Variants in JARID2 observed in about 807,000 individuals in gnomAD.
The protein encoded by JARID2 is protein Jumonji.
Under a neutral mutation model 125.6 loss-of-function variants are expected in JARID2, and 21 were observed. The ratio of observed to expected loss-of-function variants is 0.17; its 90% CI spans 0.12 to 0.24. The LOEUF is 0.24. Ranked by LOEUF, JARID2 falls within the 10% of genes least tolerant of loss-of-function variation. The pLI is 1.00. For synonymous variants in JARID2, 736 were observed against 661.6 expected, an observed-to-expected ratio of 1.11 and a Z score of -1.73; for missense variants, 1,303 against 1,639.6, an observed-to-expected ratio of 0.79 and a Z score of 3.55.
chr6:15,247,472 G>A (rs1406203665), intron 1 of JARID2: 6 of 983,370 alleles, frequency 6.1e-6, no homozygotes, highest in African/African-American at 3.5e-5. Context: ...GGGACCGAGG[G>A]ATTAACCAAA....
chr6:15,419,772 G>A (rs1351306391), intron 3 of JARID2, among the ~76,000 whole-genome samples: 1 of 152,166 alleles, frequency 6.6e-6, no homozygotes, highest in African/African-American at 2.4e-5. Context: ...CTTTGTAGGA[G>A]CAATCATTTA....
intron 1 of JARID2, among the ~76,000 whole-genome samples, chr6:15,251,934 C>T (rs1458526457): frequency 1.3e-5 from 2 of 151,600 alleles, no homozygotes; most frequent in Non-Finnish European, 3.0e-5. Context: ...GCCGCTTGAA[C>T]CTGGGAGGCG....
At chr6:15,251,422 G>GT (rs558701197) in intron 1 of JARID2, among the ~76,000 whole-genome samples, 65 of 152,342 alleles carry the variant, frequency 4.3e-4, no homozygotes, top group Admixed American at 3.9e-3. Flanking sequence ...TCATCCTGAT[G>GT]TTACTGGTCC....
chr6:15,502,176 A>AG (rs1180774195), intron 8 of JARID2, among the ~76,000 whole-genome samples: 1 of 152,198 alleles, frequency 6.6e-6, no homozygotes, highest in Admixed American at 6.5e-5. Context: ...ACTCATCCTG[A>AG]GGAGACTCGC....
chr6:15,421,547 G>A (rs1373818595), intron 3 of JARID2, among the ~76,000 whole-genome samples: 1 of 152,080 alleles, frequency 6.6e-6, no homozygotes, highest in Non-Finnish European at 1.5e-5. Flanking sequence ...ACTATTAGAA[G>A]TCCTTCTTTG....
intron 5 of JARID2, among the ~76,000 whole-genome samples, chr6:15,469,377 TCTCCCCCTCTCCCCCTTTCCCCC>T (rs1768948869): frequency 2.8e-4 from 6 of 21,486 alleles, no homozygotes; most frequent in Admixed American, 6.3e-4. Context: ...CTTCTCCCCC[TCTCCCCCTCTCCCCCTTTCCCCC>T]TCTCCCCCTC....
chr6:15,453,352 T>C (rs2299045), intron 4 of JARID2, among the ~76,000 whole-genome samples: 61,796 of 152,132 alleles, frequency 0.41, 12,791 homozygotes, highest in South Asian at 0.49. Flanking sequence ...TTTTTTAGAA[T>C]GTCCCTTAAT....
chr6:15,264,277 C>T (rs946081351), intron 1 of JARID2, among the ~76,000 whole-genome samples: 23 of 152,184 alleles, frequency 1.5e-4, no homozygotes, highest in Admixed American at 5.2e-4. Flanking sequence ...CCAGTGTGTC[C>T]GTCAGTATTT....
intron 2 of JARID2, among the ~76,000 whole-genome samples, chr6:15,395,651 C>A (rs773175254): frequency 4.6e-5 from 7 of 151,868 alleles, no homozygotes; most frequent in Non-Finnish European, 1.0e-4. Context: ...CTGCCCACAT[C>A]GGCCTCCCAA....
intron 3 of JARID2, among the ~76,000 whole-genome samples, chr6:15,445,270 C>T (rs537249392): frequency 3.3e-5 from 5 of 152,308 alleles, no homozygotes; most frequent in African/African-American, 1.2e-4. Context: ...AAGTATTTGG[C>T]ATAGGACTGT....
chr6:15,492,168 G>GT (rs1224562691), intron 6 of JARID2, among the ~76,000 whole-genome samples: 1 of 152,254 alleles, frequency 6.6e-6, no homozygotes, highest in Non-Finnish European at 1.5e-5. Flanking sequence ...GCAGAGCTGG[G>GT]TTGGGGGCTG....
intron 2 of JARID2, chr6:15,400,800 T>C (rs1581506710): frequency 2.4e-6 from 3 of 1,242,750 alleles, no homozygotes; most frequent in Non-Finnish European, 3.1e-6. Context: ...GGCCGTCCTA[T>C]TGCCGCGCGG....
chr6:15,257,327 A>G (rs1395492797), intron 1 of JARID2, among the ~76,000 whole-genome samples: 3 of 152,220 alleles, frequency 2.0e-5, no homozygotes, highest in Non-Finnish European at 4.4e-5. Flanking sequence ...TACTCAAAAG[A>G]TAGAAATCAT....
intron 1 of JARID2, among the ~76,000 whole-genome samples, chr6:15,257,529 C>T (rs1334736481): frequency 4.6e-5 from 7 of 152,166 alleles, no homozygotes; most frequent in Admixed American, 6.5e-5. Flanking sequence ...CTCATCTCTT[C>T]GGGATGGGTT....
intron 2 of JARID2, among the ~76,000 whole-genome samples, chr6:15,395,429 C>T (rs549093600): frequency 5.9e-5 from 9 of 152,058 alleles, no homozygotes; most frequent in African/African-American, 2.2e-4. Flanking sequence ...CTGTGCCCGG[C>T]TAAGTTTTTG....
chr6:15,275,882 TG>T (rs1216671755), intron 1 of JARID2, among the ~76,000 whole-genome samples: 1 of 152,082 alleles, frequency 6.6e-6, no homozygotes, highest in East Asian at 1.9e-4. Context: ...TTTTGTCTAA[TG>T]GGGTTTGCAA....
chr6:15,411,498 A>T (rs936394702), intron 3 of JARID2, among the ~76,000 whole-genome samples: 47 of 152,196 alleles, frequency 3.1e-4, no homozygotes, highest in African/African-American at 1.1e-3. Context: ...AGAAGATGTC[A>T]TAAGATTCGT....
intron 1 of JARID2, chr6:15,248,785 C>A: frequency 6.0e-6 from 2 of 332,016 alleles, no homozygotes; most frequent in Non-Finnish European, 8.6e-6. Flanking sequence ...CCTTCCCCTC[C>A]TCCTCCGTGA....
intron 1 of JARID2, among the ~76,000 whole-genome samples, chr6:15,255,264 C>T (rs1759619260): frequency 6.6e-6 from 1 of 151,576 alleles, no homozygotes; most frequent in African/African-American, 2.4e-5. Context: ...ACGACCATGC[C>T]CAGCTAATTT....
Sources: allele counts gnomAD v4.1 joint callset (sites outside exome capture counted in the v4.1 genomes callset), GRCh38; gene constraint gnomAD v4.1.1; transcripts MANE v1.5; gene names NCBI Gene and HGNC (gene_info 2026-07-23, HGNC 2026-07-21).